EHMT2: variants seen among roughly 807,000 people sequenced by gnomAD.
The protein encoded by EHMT2 is histone-lysine N-methyltransferase EHMT2.
EHMT2 carries 59 observed loss-of-function variants against 143.3 expected under a neutral mutation model. The ratio of observed to expected loss-of-function variants is 0.41; its 90% confidence interval spans 0.33 to 0.51. The LOEUF (loss-of-function observed/expected upper bound fraction) is 0.51, where lower values mean the gene tolerates loss of function less well. Ranked by LOEUF, EHMT2 falls within the 20% of genes least tolerant of loss-of-function variation. The pLI, the probability that EHMT2 is intolerant of heterozygous loss-of-function variation, is 0.18. For missense variants in EHMT2, 1,174 were observed against 1,645.9 expected (o/e 0.71, Z 4.96); for synonymous variants, 604 against 651.5 (o/e 0.93, Z 1.11).
chr6:31,884,999 C>T lies in EHMT2; in HGVS notation c.2361G>A (p.Thr787=), dbSNP rs774412576. Reference sequence around the variant, plus strand: ...TGTGCTCTGCAGCCCAGATGATGGGCGTCCACCCCCCACTGTCCTGTGGGT... The same window carrying T: ...TGTGCTCTGCAGCCCAGATGATGGGTGTCCACCCCCCACTGTCCTGTGGGT... Residue 787 remains threonine, a synonymous_variant, in exon 19 of 28, where the codon ACG becomes ACA. Transcript: ENST00000375537. This position sits in a 1 kb window ranked among gnomAD's most constrained non-coding sequence, Gnocchi z 7.3. 3.7e-6 allele frequency: 6 copies of T among 1,609,344 alleles called. No homozygotes were observed. The highest frequency in any genetic ancestry group is 2.2e-5 in the East Asian group (1 of 44,728).
exon 14 of EHMT2, chr6:31,887,839 A>T (rs747448428): frequency 6.2e-7 from 1 of 1,610,356 alleles, no homozygotes; most frequent in Non-Finnish European, 8.5e-7. Flanking sequence ...CCCCAGTGGC[A>T]GCCCCACGGC....
intron 25 of EHMT2, 71 bp downstream of exon 25, chr6:31,882,628 G>A: frequency 7.0e-7 from 1 of 1,438,364 alleles, no homozygotes; most frequent in Non-Finnish European, 9.6e-7. Context: ...TGGCTGAGAG[G>A]GAGGCCTGGC....
At position 31,885,024 on chromosome 6, in the gene EHMT2, TG is replaced by T. The variant is rs1764645795; in HGVS notation, c.2344-9del. 6.3e-7 allele frequency: 1 copy of T among 1,599,126 alleles called. No individual in the cohort carries two copies. The highest frequency in any genetic ancestry group is 8.5e-7 in the Non-Finnish European group (1 of 1,169,646). Reference sequence around the variant, plus strand: ...CGTCCACCCCCCACTGTCCTGTGGGTGGGAAGGGAGTGAGGGTGGGGGCAGC... The same window carrying T: ...CGTCCACCCCCCACTGTCCTGTGGGTGGAAGGGAGTGAGGGTGGGGGCAGC... On this transcript the variant is annotated splice_polypyrimidine_tract_variant and intron_variant, in intron 18 of 27. Transcript: ENST00000375537.
exon 18 of EHMT2, chr6:31,886,586 C>T (rs773375545): frequency 3.1e-6 from 5 of 1,611,638 alleles, no homozygotes; most frequent in Admixed American, 1.7e-5. Context: ...CTGACCTGGG[C>T]GTTGACGTCC....
Position 31,888,663 on chromosome 6 carries a change from T to C in EHMT2, c.1301A>G (p.Lys434Arg). The C allele has an allele frequency of 6.2e-7, 1 of 1,613,840 alleles. No individual in the cohort carries two copies. Among genetic ancestry groups the C allele is most frequent in the Non-Finnish European group, 8.5e-7 (1 of 1,180,014 alleles). Residue 434 changes from lysine to arginine, a missense_variant, in exon 11 of 28, where the codon AAG becomes AGG. Physicochemically the swap from Lys to Arg is conservative, Grantham distance 26 (BLOSUM62 2). Coordinates refer to ENST00000375537, the Ensembl canonical transcript of EHMT2. This position sits in a 1 kb window ranked among gnomAD's most constrained non-coding sequence, Gnocchi z 7.4. ...CGCCCTCTCGCTGATGCGGTCAATC[T>C]TGGGTGCCTCCATGCGGCAGCTGCA...
intron 15 of EHMT2, 119 bp from the exon 16 acceptor site, chr6:31,887,220 C>G: frequency 1.2e-6 from 1 of 804,940 alleles, no homozygotes; most frequent in East Asian, 2.6e-5. Flanking sequence ...AGGGCCCCTC[C>G]TGGCATTCTC....
Position 31,884,957 on chromosome 6 carries a change from G to A in EHMT2, c.2403C>T (p.Ile801=). Residue 801 remains isoleucine, a synonymous_variant, in exon 19 of 28, where the codon ATC becomes ATT. Coordinates refer to ENST00000375537, the Ensembl canonical transcript of EHMT2. This position sits in a 1 kb window ranked among gnomAD's most constrained non-coding sequence, Gnocchi z 7.3. ...CGGCGCCCCGCGTCAGTAGCATGCG[G>A]ATCACCTCGATGTGCTTGTGCTCTG... is the stretch of plus-strand genomic sequence containing the variant. 6.2e-7 allele frequency: 1 copy of A among 1,611,050 alleles called. No homozygotes were observed. The highest frequency in any genetic ancestry group is 8.5e-7 in the Non-Finnish European group (1 of 1,177,912).
chr6:31,888,048 GAGA>G lies in EHMT2; in HGVS notation c.1735_1737del (p.Ser579del), dbSNP rs565112979. On this transcript the variant is annotated inframe_deletion, in exon 13 of 28. Coordinates refer to ENST00000375537, the Ensembl canonical transcript of EHMT2. The surrounding 1 kb of genome is among the most constrained non-coding windows in gnomAD (Gnocchi z 7.4). Reference sequence around the variant, plus strand: ...GAAGGGGGAGGCCAGTACCTGGGCTGAGAAGTGTCTGCTCTCCCGGGGACATCC... The same window carrying G: ...GAAGGGGGAGGCCAGTACCTGGGCTGAGTGTCTGCTCTCCCGGGGACATCC... The G allele has an allele frequency of 7.1e-4, 1,126 of 1,584,410 alleles. 6 individuals carry two copies. The African/African-American group carries it at 0.013, about 19-fold the overall frequency.
chr6:31,888,908 C>T lies in EHMT2; in HGVS notation c.1216+61G>A. The stretch of plus-strand genomic sequence containing the variant: ...GCTCTGGCGTGGTTCCCCTCCTTCC[C>T]TTTCCCTCCTGCCCTGAGGTCGCCC... On this transcript the variant is annotated intron_variant, in intron 10 of 27. Coordinates refer to ENST00000375537, the Ensembl canonical transcript of EHMT2. The surrounding 1 kb of genome is among the most constrained non-coding windows in gnomAD (Gnocchi z 7.4). The T allele has an allele frequency of 1.3e-6, 2 of 1,526,060 alleles. No homozygotes were observed. The highest frequency in any genetic ancestry group is 1.2e-5 in the South Asian group (1 of 84,688). The allele number at this position is 1,526,060 out of a possible 1,614,324, so 94.5% of individuals were successfully genotyped here.
Position 31,881,480 on chromosome 6 carries a change from A to C in EHMT2, c.3198-388T>G. 1 of 311,550 alleles carries C rather than the reference A, an allele frequency of 3.2e-6. No homozygotes were observed. Among genetic ancestry groups the C allele is most frequent in the Non-Finnish European group, 6.2e-6 (1 of 161,302 alleles). The allele number at this position is 311,550 out of a possible 1,614,324, so 19.3% of individuals were successfully genotyped here. ...GCCAGAGGTACAGGAGTGGCAAGGA[A>C]CTCAAGGCATGATTCGGGGCAAGAG... On this transcript the variant is annotated intron_variant, in intron 25 of 27. Coordinates refer to ENST00000375537, the Ensembl canonical transcript of EHMT2. This position sits in a 1 kb window ranked among gnomAD's most constrained non-coding sequence, Gnocchi z 4.8.
At position 31,880,934 on chromosome 6, in the gene EHMT2, G is replaced by C. The variant is rs1258765547; in HGVS notation, c.3276+80C>G. The C allele has an allele frequency of 1.9e-6, 3 of 1,608,728 alleles. No homozygotes were observed. Among genetic ancestry groups the C allele is most frequent in the Non-Finnish European group, 2.5e-6 (3 of 1,176,638 alleles). The stretch of plus-strand genomic sequence containing the variant: ...CTGACTCCCCAGTCCCTCCTCCCCA[G>C]GTTTCCATTTGCTGACTTCCCAGAG... On this transcript the variant is annotated intron_variant, in intron 26 of 27. Transcript: ENST00000375537. The surrounding 1 kb of genome is among the most constrained non-coding windows in gnomAD (Gnocchi z 6.6).
At position 31,881,007 on chromosome 6, in the gene EHMT2, T is replaced by G; in HGVS notation, c.3276+7A>C. 6.2e-7 allele frequency: 1 copy of G among 1,612,772 alleles called. No homozygotes were observed. Among genetic ancestry groups the G allele is most frequent in the Non-Finnish European group, 8.5e-7 (1 of 1,179,856 alleles). ...GAGCAGCAGGGTAAGGAGGGTCTCC[T>G]GCTCACCTTGTTGTCTAAGTCGAAG... On this transcript the variant is annotated splice_region_variant and intron_variant, in intron 26 of 27. Transcript: ENST00000375537. The surrounding 1 kb of genome is among the most constrained non-coding windows in gnomAD (Gnocchi z 4.8).
intron 7 of EHMT2, among the ~76,000 whole-genome samples, chr6:31,891,720 G>A (rs1017921724): frequency 6.6e-6 from 1 of 152,154 alleles, no homozygotes; most frequent in Non-Finnish European, 1.5e-5. Flanking sequence ...AAAGAGCAAC[G>A]AAATAAGCAA....
chr6:31,896,389 C>T (rs1399902920), exon 4 of EHMT2: 2 of 1,613,054 alleles, frequency 1.2e-6, no homozygotes. Flanking sequence ...CTGGCATACT[C>T]AGTAGCCTCA....
intron 17 of EHMT2, 31 bp downstream of exon 17, chr6:31,886,744 G>A (rs755712518): frequency 5.8e-5 from 94 of 1,613,634 alleles, no homozygotes; most frequent in East Asian, 2.4e-4. Context: ...CCCTGACTCC[G>A]GGGGCCACGC....
At chr6:31,879,979 A>G in exon 28 of EHMT2, 1 of 1,276,222 alleles carries the variant, frequency 7.8e-7, no homozygotes, top group Non-Finnish European at 1.1e-6. Context: ...GGTGGTGGGG[A>G]GAGAAGATGG....
At position 31,881,246 on chromosome 6, in the gene EHMT2, T is replaced by A; in HGVS notation, c.3198-154A>T. Reference sequence around the variant, plus strand: ...GCCTGGAGCAGCAGTGGTGGGCAAGTGAAAGGGCAGCATTCCAGCCTTGAC... The same window carrying A: ...GCCTGGAGCAGCAGTGGTGGGCAAGAGAAAGGGCAGCATTCCAGCCTTGAC... On this transcript the variant is annotated intron_variant, in intron 25 of 27. Transcript: ENST00000375537. This position sits in a 1 kb window ranked among gnomAD's most constrained non-coding sequence, Gnocchi z 4.8. 1.4e-6 allele frequency: 1 copy of A among 697,910 alleles called. No individual in the cohort carries two copies. The allele number at this position is 697,910 out of a possible 1,614,324, so 43.2% of individuals were successfully genotyped here.
At chr6:31,882,761 T>A (rs774202972) in exon 25 of EHMT2, 1 of 1,612,644 alleles carries the variant, frequency 6.2e-7, no homozygotes, top group South Asian at 1.1e-5. Flanking sequence ...CCATCTTGGC[T>A]GTTCGGTAGA....
intron 25 of EHMT2, 72 bp downstream of exon 25, chr6:31,882,626 AG>A (rs1764260255): frequency 7.0e-7 from 1 of 1,426,180 alleles, no homozygotes; most frequent in Non-Finnish European, 9.7e-7. Context: ...GATGGCTGAG[AG>A]GGAGGCCTGG....
Sources: gnomAD v4.1 joint callset for allele counts (sites outside exome capture counted in the v4.1 genomes callset) on GRCh38, gnomAD v4.1.1 for gene constraint, Gnocchi (gnomAD v3.1) non-coding constraint, MANE v1.5 for transcripts, NCBI Gene and HGNC (gene_info 2026-07-23, HGNC 2026-07-21) for gene names.